SOX12: variants seen among roughly 807,000 people sequenced by gnomAD.
The protein encoded by SOX12 is transcription factor SOX-12.
In SOX12, 8 loss-of-function variants were observed where a neutral mutation model predicts 21.5. That is an observed-to-expected ratio of 0.37 (90% CI 0.22 to 0.67). The LOEUF (loss-of-function observed/expected upper bound fraction) is 0.67. Ranked by LOEUF, SOX12 falls within the 30% of genes least tolerant of loss-of-function variation. The probability of loss-of-function intolerance (pLI) is 0.56; values close to 1 mark genes in which losing one functional copy is unlikely to be tolerated. For synonymous variants in SOX12, 235 were observed against 224.2 expected, an observed-to-expected ratio of 1.05 and a Z score of -0.43; for missense variants, 400 against 482.6, an observed-to-expected ratio of 0.83 and a Z score of 1.60.
rs753913934 is a variant in SOX12, at chr20:326,890, C to T, written c.*18C>T. 5 of 1,612,132 alleles carry T rather than the reference C, an allele frequency of 3.1e-6. No homozygotes were observed. The highest frequency in any genetic ancestry group is 1.7e-5 in the Admixed American group (1 of 59,998). On this transcript the variant is annotated 3_prime_UTR_variant, in exon 1 of 1. Transcript: ENST00000342665. This position sits in a 1 kb window ranked among gnomAD's most constrained non-coding sequence, Gnocchi z 9.9. ...CCTACTGAGCCCACCGTCAGCGGGG[C>T]GCGCACGCCCCCAAACCAGCTGTTT...
In SOX12 at chr20:327,814, G is replaced by C. The variant is rs1951545106; in HGVS notation, c.*942G>C. The C allele has an allele frequency of 6.0e-6, 1 of 167,172 alleles. No homozygotes were observed. The highest frequency in any genetic ancestry group is 2.4e-5 in the African/African-American group (1 of 41,450). 10.4% of individuals were successfully genotyped at this position (167,172 alleles called of 1,614,324 possible). A position where few individuals can be genotyped will look rare whatever the true frequency, so the allele number is the denominator to read the frequency against. On this transcript the variant is annotated 3_prime_UTR_variant, in exon 1 of 1. Coordinates refer to ENST00000342665, the MANE Select transcript of SOX12 (RefSeq NM_006943.4). ...AACTAAAAACCAAGGCACCTTACCA[G>C]TCTGTCTGGGGACAGGATCCCTGCT...
chr20:327,355 A>C lies in SOX12; in HGVS notation c.*483A>C. The stretch of plus-strand genomic sequence containing the variant: ...CTGGGGGGAGGGGCGCACCCCTTTT[A>C]TCCCCGGAGCGCTAGGGCCCGCCCC... On this transcript the variant is annotated 3_prime_UTR_variant, in exon 1 of 1. Coordinates refer to ENST00000342665, the MANE Select transcript of SOX12 (RefSeq NM_006943.4). The C allele has an allele frequency of 5.5e-6, 1 of 181,420 alleles. No homozygotes were observed. Among genetic ancestry groups the C allele is most frequent in the South Asian group, 1.3e-4 (1 of 7,832 alleles). 11.2% of individuals were successfully genotyped at this position (181,420 alleles called of 1,614,324 possible).
Position 325,985 on chromosome 20 carries a change from G to C in SOX12, c.61G>C (p.Gly21Arg). Residue 21 changes from glycine to arginine, a missense_variant, in exon 1 of 1, where the codon GGG (glycine) becomes CGG (arginine). By Grantham distance (125) the Gly-to-Arg change is moderately radical. This residue lies in a region of SOX12 where 56 missense variants were observed against 51.5 expected (regional missense o/e 1.09). Coordinates refer to ENST00000342665, the MANE Select transcript of SOX12 (RefSeq NM_006943.4). This position sits in a 1 kb window ranked among gnomAD's most constrained non-coding sequence, Gnocchi z 5.0. ...CGGCGGGCCGCCGCCCCCGGGACCCGGGCCGGCCGAGGAGGGGGCGCGCGA... is the reference window on the plus strand; with the variant it reads ...CGGCGGGCCGCCGCCCCCGGGACCCCGGCCGGCCGAGGAGGGGGCGCGCGA... ...RDGGPPPPGP[G>R]PAEEGAREPG... The C allele has an allele frequency of 1.4e-6, 2 of 1,457,792 alleles. No homozygotes were observed. The highest frequency in any genetic ancestry group is 1.5e-5 in the African/African-American group (1 of 67,712). The allele number at this position is 1,457,792 out of a possible 1,614,324, so 90.3% of individuals were successfully genotyped here.
chr20:326,347 G>A lies in SOX12; in HGVS notation c.423G>A (p.Gln141=), dbSNP rs1303735442. 1.5e-6 allele frequency: 2 copies of A among 1,302,612 alleles called. No individual in the cohort carries two copies. The highest frequency in any genetic ancestry group is 1.9e-6 in the Non-Finnish European group (2 of 1,026,822). The allele number at this position is 1,302,612 out of a possible 1,614,324, so 80.7% of individuals were successfully genotyped here. A position where few individuals can be genotyped will look rare whatever the true frequency, so the allele number is the denominator to read the frequency against. The change falls in exon 1 of 1, where the codon CAG becomes CAA. Residue 141 remains glutamine (Q), a synonymous_variant. Coordinates refer to ENST00000342665, the MANE Select transcript of SOX12 (RefSeq NM_006943.4). This position sits in a 1 kb window ranked among gnomAD's most constrained non-coding sequence, Gnocchi z 9.9. ...GCAGCCGGCTCAAGCCCGGGCCGCA[G>A]CTGCCTGGCCGCGGGGGCCGCCGAG... ...GGGSRLKPGP[Q]LPGRGGRRAA...
rs776214890 is a variant in SOX12, at chr20:326,660, G to C, written c.736G>C (p.Ala246Pro). The C allele has an allele frequency of 1.3e-6, 2 of 1,553,544 alleles. No homozygotes were observed. Among genetic ancestry groups the C allele is most frequent in the Non-Finnish European group, 1.7e-6 (2 of 1,148,444 alleles). The change falls in exon 1 of 1, where the codon GCG (alanine) becomes CCG (proline). Residue 246 changes from alanine to proline, a missense_variant. Ala to Pro is a conservative substitution (Grantham distance 27). This residue lies in a region of SOX12 where 235 missense variants were observed against 219.3 expected (regional missense o/e 1.07). Transcript: ENST00000342665. The surrounding 1 kb of genome is among the most constrained non-coding windows in gnomAD (Gnocchi z 9.9). ...AAEEGEEETVASGEESLGFLS... is the reference protein window; with the variant it reads ...AAEEGEEETVPSGEESLGFLS... ...TGAGGAAGGTGAAGAGGAGACGGTG[G>C]CGTCGGGGGAGGAGTCGCTGGGCTT...
At position 329,354 on chromosome 20, in the gene SOX12, C is replaced by T. The variant is rs2013157216; in HGVS notation, c.*2482C>T. The T allele has an allele frequency of 6.0e-6, 1 of 167,094 alleles. No individual in the cohort carries two copies. The highest frequency in any genetic ancestry group is 6.5e-5 in the Admixed American group (1 of 15,282). The allele number at this position is 167,094 out of a possible 1,614,324, so 10.4% of individuals were successfully genotyped here. ...GGTGAGAAGCATTCACCATGGTGCC[C>T]ATCGTGTTACTCCATTGTCAGAGGA... On this transcript the variant is annotated 3_prime_UTR_variant, in exon 1 of 1. Coordinates refer to ENST00000342665, the MANE Select transcript of SOX12 (RefSeq NM_006943.4).
rs1356532333 is a variant in SOX12, at chr20:328,977, GCCT to G, written c.*2106_*2108del. On this transcript the variant is annotated 3_prime_UTR_variant, in exon 1 of 1. Coordinates refer to ENST00000342665, the MANE Select transcript of SOX12 (RefSeq NM_006943.4). The stretch of plus-strand genomic sequence containing the variant: ...GTGGTGTCATGACCCACTTCAAGGG[GCCT>G]ACCTCCTGCCAGTTGTGACCCTGTG... The G allele has an allele frequency of 1.8e-5, 3 of 167,102 alleles. No individual in the cohort carries two copies. The highest frequency in any genetic ancestry group is 2.9e-5 in the Non-Finnish European group (2 of 68,144). The allele number at this position is 167,102 out of a possible 1,614,324, so 10.4% of individuals were successfully genotyped here.
Position 326,994 on chromosome 20 carries a change from G to T in SOX12, c.*122G>T, listed in dbSNP as rs2013109218. The T allele has an allele frequency of 1.1e-6, 1 of 904,702 alleles. No homozygotes were observed. Among genetic ancestry groups the T allele is most frequent in the African/African-American group, 1.7e-5 (1 of 58,702 alleles). 56.0% of individuals were successfully genotyped at this position (904,702 alleles called of 1,614,324 possible). A position where few individuals can be genotyped will look rare whatever the true frequency, so the allele number is the denominator to read the frequency against. On this transcript the variant is annotated 3_prime_UTR_variant, in exon 1 of 1. Coordinates refer to ENST00000342665, the MANE Select transcript of SOX12 (RefSeq NM_006943.4). This position sits in a 1 kb window ranked among gnomAD's most constrained non-coding sequence, Gnocchi z 9.9. Reference sequence around the variant, plus strand: ...CTCCCGCGCAGCCTGCCCCCTCCTGGACGTGCCCATCCCCCCTCAGATCCA... The same window carrying T: ...CTCCCGCGCAGCCTGCCCCCTCCTGTACGTGCCCATCCCCCCTCAGATCCA...
rs2013120924 is a variant in SOX12, at chr20:327,392, C to T, written c.*520C>T. The T allele has an allele frequency of 5.5e-6, 1 of 183,378 alleles. No individual in the cohort carries two copies. Among genetic ancestry groups the T allele is most frequent in the Non-Finnish European group, 1.3e-5 (1 of 78,838 alleles). 11.4% of individuals were successfully genotyped at this position (183,378 alleles called of 1,614,324 possible). ...CTAGGGCCCGCCCCTCCGCTGGGGC[C>T]CACCCCCTTCGTGCGCATGCTTAAT... On this transcript the variant is annotated 3_prime_UTR_variant, in exon 1 of 1. Coordinates refer to ENST00000342665, the MANE Select transcript of SOX12 (RefSeq NM_006943.4).
Position 327,089 on chromosome 20 carries a change from C to G in SOX12, c.*217C>G. ...CCACCCCTTCCCCGACACCCAAGCC[C>G]CTCCCCACGTCGCCCCCTCCTGCAC... On this transcript the variant is annotated 3_prime_UTR_variant, in exon 1 of 1. Transcript: ENST00000342665. 1 of 603,434 alleles carries G rather than the reference C, an allele frequency of 1.7e-6. No homozygotes were observed. Among genetic ancestry groups the G allele is most frequent in the South Asian group, 2.0e-5 (1 of 50,894 alleles). 37.4% of individuals were successfully genotyped at this position (603,434 alleles called of 1,614,324 possible). A position where few individuals can be genotyped will look rare whatever the true frequency, so the allele number is the denominator to read the frequency against.
chr20:326,676 C>T lies in SOX12; in HGVS notation c.752C>T (p.Ser251Leu), dbSNP rs369677394. 2.6e-6 allele frequency: 4 copies of T among 1,562,552 alleles called. No individual in the cohort carries two copies. Among genetic ancestry groups the T allele is most frequent in the Admixed American group, 3.8e-5 (2 of 51,976 alleles). The change falls in exon 1 of 1, where the codon TCG becomes TTG. Residue 251 changes from serine (S) to leucine (L), a missense_variant. Ser to Leu is a moderately radical substitution (Grantham distance 145). Transcript: ENST00000342665. This position sits in a 1 kb window ranked among gnomAD's most constrained non-coding sequence, Gnocchi z 9.9. ...EEETVASGEESLGFLSRLPPG... is the reference protein window; with the variant it reads ...EEETVASGEELLGFLSRLPPG... The stretch of plus-strand genomic sequence containing the variant: ...GAGACGGTGGCGTCGGGGGAGGAGT[C>T]GCTGGGCTTTCTGTCCAGGCTGCCC...
Position 328,522 on chromosome 20 carries a change from T to C in SOX12, c.*1650T>C, listed in dbSNP as rs1353878238. The C allele has an allele frequency of 6.6e-6, 1 of 152,058 alleles. No homozygotes were observed. The allele number at this position is 152,058 out of a possible 1,614,324, so 9.4% of individuals were successfully genotyped here. The stretch of plus-strand genomic sequence containing the variant: ...CTGGGCCTTTCTTGCGCTCTATTTT[T>C]TTTTTTTTTTTTTTTAAGAAAAACA... On this transcript the variant is annotated 3_prime_UTR_variant, in exon 1 of 1. Coordinates refer to ENST00000342665, the MANE Select transcript of SOX12 (RefSeq NM_006943.4).
In SOX12 at chr20:326,739, G is replaced by C; in HGVS notation, c.815G>C (p.Arg272Pro). ...GGCCTGGACTGCAGCGCCCTGGATC[G>C]CGACCCGGACCTGCAGCCTCCCTCG... ...PAGLDCSALD[R>P]DPDLQPPSGT... The change falls in exon 1 of 1, where the codon CGC becomes CCC. Residue 272 changes from arginine (R) to proline (P), a missense_variant. Arg to Pro is a moderately radical substitution (Grantham distance 103). Around this residue, in one of 4 missense-constraint regions of SOX12, gnomAD observed 235 missense variants for 219.3 expected, o/e 1.07. Transcript: ENST00000342665. This position sits in a 1 kb window ranked among gnomAD's most constrained non-coding sequence, Gnocchi z 9.9. 6.2e-7 allele frequency: 1 copy of C among 1,611,160 alleles called. No homozygotes were observed. The highest frequency in any genetic ancestry group is 8.5e-7 in the Non-Finnish European group (1 of 1,178,948).
Position 326,574 on chromosome 20 carries a change from C to T in SOX12, c.650C>T (p.Ala217Val). 6.6e-7 allele frequency: 1 copy of T among 1,526,340 alleles called. No individual in the cohort carries two copies. The highest frequency in any genetic ancestry group is 8.8e-7 in the Non-Finnish European group (1 of 1,140,534). The allele number at this position is 1,526,340 out of a possible 1,614,324, so 94.5% of individuals were successfully genotyped here. A position where few individuals can be genotyped will look rare whatever the true frequency, so the allele number is the denominator to read the frequency against. The change falls in exon 1 of 1, where the codon GCC (alanine) becomes GTC (valine). Residue 217 changes from alanine (A) to valine (V), a missense_variant. This residue lies in a region of SOX12 where 235 missense variants were observed against 219.3 expected (regional missense o/e 1.07). Coordinates refer to ENST00000342665, the MANE Select transcript of SOX12 (RefSeq NM_006943.4). The surrounding 1 kb of genome is among the most constrained non-coding windows in gnomAD (Gnocchi z 9.9). ...SGEGAAAAAA[A>V]SPTPSEDEEP... ...GAGGGGGCGGCCGCCGCCGCCGCCG[C>T]CTCCCCGACACCGTCGGAGGACGAG... is the stretch of plus-strand genomic sequence containing the variant.
rs774885244 is a variant in SOX12, at chr20:326,825, G to A, written c.901G>A (p.Gly301Arg). 1.2e-6 allele frequency: 2 copies of A among 1,613,596 alleles called. No individual in the cohort carries two copies. The highest frequency in any genetic ancestry group is 1.7e-6 in the Non-Finnish European group (2 of 1,179,920). Reference protein sequence around the residue: ...CTPEVTEMIAGDWRPSSIADL... With the variant: ...CTPEVTEMIARDWRPSSIADL... ...CCCCGAGGTTACCGAGATGATCGCGGGGGACTGGCGCCCGTCTAGCATCGC... is the reference window on the plus strand; with the variant it reads ...CCCCGAGGTTACCGAGATGATCGCGAGGGACTGGCGCCCGTCTAGCATCGC... The change falls in exon 1 of 1, where the codon GGG (glycine) becomes AGG (arginine). Residue 301 changes from glycine to arginine, a missense_variant. Physicochemically the swap from Gly to Arg is moderately radical, Grantham distance 125. This residue lies in a region of SOX12 where 17 missense variants were observed against 49.7 expected (regional missense o/e 0.34). Coordinates refer to ENST00000342665, the MANE Select transcript of SOX12 (RefSeq NM_006943.4). The surrounding 1 kb of genome is among the most constrained non-coding windows in gnomAD (Gnocchi z 9.9).
In SOX12 at chr20:326,845, C is replaced by T. The variant is rs1341238796; in HGVS notation, c.921C>T (p.Ser307=). 3.1e-6 allele frequency: 5 copies of T among 1,613,492 alleles called. No homozygotes were observed. Among genetic ancestry groups the T allele is most frequent in the Non-Finnish European group, 4.2e-6 (5 of 1,179,906 alleles). Residue 307 remains serine (S), a synonymous_variant, in exon 1 of 1, where the codon AGC becomes AGT. Transcript: ENST00000342665. This position sits in a 1 kb window ranked among gnomAD's most constrained non-coding sequence, Gnocchi z 9.9. ...TCGCGGGGGACTGGCGCCCGTCTAG[C>T]ATCGCAGACCTGGTTTTCACCTACT... is the stretch of plus-strand genomic sequence containing the variant. ...EMIAGDWRPS[S]IADLVFTY
chr20:325,751 C>T lies in SOX12; in HGVS notation c.-174C>T, dbSNP rs548517731. On this transcript the variant is annotated 5_prime_UTR_variant, in exon 1 of 1. Coordinates refer to ENST00000342665, the MANE Select transcript of SOX12 (RefSeq NM_006943.4). The surrounding 1 kb of genome is among the most constrained non-coding windows in gnomAD (Gnocchi z 5.0). The stretch of plus-strand genomic sequence containing the variant: ...CGCCTGAGACCGCGCTGACCTTCTC[C>T]CCCCGCCGTCCGTTGGGCCCGAGCG... The T allele has an allele frequency of 8.4e-5, 15 of 178,308 alleles. No homozygotes were observed. In the South Asian group the frequency reaches 2.6e-3, roughly 31 times the overall value. The allele number at this position is 178,308 out of a possible 1,614,324, so 11.0% of individuals were successfully genotyped here.
At position 328,171 on chromosome 20, in the gene SOX12, C is replaced by CTGTT. The variant is rs2013134153; in HGVS notation, c.*1300_*1303dup. On this transcript the variant is annotated 3_prime_UTR_variant, in exon 1 of 1. Coordinates refer to ENST00000342665, the MANE Select transcript of SOX12 (RefSeq NM_006943.4). ...CACGTGAGAAATGGGGAGAACGCTG[C>CTGTT]TGTTAGGAGGAAGTTGTGTCCAGTT... 1 of 167,018 alleles carries CTGTT rather than the reference C, an allele frequency of 6.0e-6. No individual in the cohort carries two copies. Among genetic ancestry groups the CTGTT allele is most frequent in the South Asian group, 2.1e-4 (1 of 4,836 alleles). 10.3% of individuals were successfully genotyped at this position (167,018 alleles called of 1,614,324 possible).
chr20:326,611 A>AGAG lies in SOX12; in HGVS notation c.698_700dup (p.Glu233dup), dbSNP rs769785308. 7.1e-6 allele frequency: 11 copies of AGAG among 1,539,950 alleles called. No homozygotes were observed. The South Asian group carries it at 7.2e-5, about 10-fold the overall frequency. ...CGTCGGAGGACGAGGAGCCGGAGGA[A>AGAG]GAGGAGGAGGAGGCGGCAGCGGCTG... On this transcript the variant is annotated inframe_insertion, in exon 1 of 1. Coordinates refer to ENST00000342665, the MANE Select transcript of SOX12 (RefSeq NM_006943.4). This position sits in a 1 kb window ranked among gnomAD's most constrained non-coding sequence, Gnocchi z 9.9.
Sources: gnomAD v4.1 joint callset for allele counts on GRCh38, gnomAD v4.1.1 for gene constraint, gnomAD v4.1.1 regional missense constraint, Gnocchi (gnomAD v3.1) non-coding constraint, MANE v1.5 for transcripts, NCBI Gene and HGNC (gene_info 2026-07-23, HGNC 2026-07-21) for gene names.